Variants in WIPF3 observed in about 807,000 individuals in gnomAD.
The protein encoded by WIPF3 is WAS/WASL interacting protein family member 3, also known as WAS/WASL-interacting protein family member 3.
WIPF3 carries 33 observed loss-of-function variants against 38.9 expected under a neutral mutation model. The ratio of observed to expected loss-of-function variants is 0.85; its 90% CI spans 0.64 to 1.14. WIPF3 has a LOEUF of 1.14. WIPF3 is among the 50% of genes most tolerant of loss of function. The pLI is 0.00. For synonymous variants in WIPF3, 324 were observed against 269.3 expected, an observed-to-expected ratio of 1.20 and a Z score of -1.99; for missense variants, 711 against 652.5, an observed-to-expected ratio of 1.09 and a Z score of -0.98.
chr7:29,824,332 AAAG>A (rs1428967380), intron 1 of WIPF3, among the ~76,000 whole-genome samples: 3 of 152,308 alleles, frequency 2.0e-5, no homozygotes, highest in East Asian at 1.9e-4. Context: ...CGAAAATGAA[AAAG>A]AAGAAGAAAA....
intron 8 of WIPF3, 126 bp from the exon 9 acceptor site, chr7:29,914,367 A>G (rs1786562821): frequency 1.4e-6 from 1 of 724,562 alleles, no homozygotes; most frequent in Admixed American, 3.8e-5. Context: ...CATCTCCCCA[A>G]ACTTGACAGC....
At chr7:29,898,268 CAG>C (rs1371613220) in intron 7 of WIPF3, among the ~76,000 whole-genome samples, 1 of 152,220 alleles carries the variant, frequency 6.6e-6, no homozygotes, top group Non-Finnish European at 1.5e-5. Context: ...CCACACACTT[CAG>C]AGTCGTCTTT....
At chr7:29,859,309 G>T (rs1410911153) in intron 2 of WIPF3, among the ~76,000 whole-genome samples, 1 of 152,194 alleles carries the variant, frequency 6.6e-6, no homozygotes, top group Non-Finnish European at 1.5e-5. Flanking sequence ...CAAAAGGAGC[G>T]CTGGACCAGG....
chr7:29,822,123 GTTTT>G, intron 1 of WIPF3, among the ~76,000 whole-genome samples: 2 of 62,836 alleles, frequency 3.2e-5, no homozygotes, highest in African/African-American at 7.0e-5. Context: ...TTTTTTCTTA[GTTTT>G]TTTTTTTTTT....
chr7:29,843,918 C>G (rs1179693154), intron 2 of WIPF3, among the ~76,000 whole-genome samples: 3 of 152,066 alleles, frequency 2.0e-5, no homozygotes, highest in Non-Finnish European at 2.9e-5. Flanking sequence ...TGCTGAGCTC[C>G]ACATCTAGTG....
intron 2 of WIPF3, among the ~76,000 whole-genome samples, chr7:29,846,072 G>A (rs1784994932): frequency 6.6e-6 from 1 of 152,174 alleles, no homozygotes; most frequent in African/African-American, 2.4e-5. Flanking sequence ...TTAAATTTTA[G>A]TAAGAATATT....
intron 1 of WIPF3, among the ~76,000 whole-genome samples, chr7:29,818,487 T>A (rs907048337): frequency 1.3e-5 from 2 of 148,852 alleles, no homozygotes; most frequent in East Asian, 3.9e-4. Flanking sequence ...TAAAAATAAT[T>A]AAAATAATTA....
chr7:29,849,137 A>T (rs923976183), intron 2 of WIPF3, among the ~76,000 whole-genome samples: 1 of 152,068 alleles, frequency 6.6e-6, no homozygotes, highest in Admixed American at 6.5e-5. Context: ...GCCTAGCCCA[A>T]TCTGGCTCCT....
rs943745891 is a variant in WIPF3 at position 29,844,481 on chromosome 7, G to A, written c.90+9667G>A. On this transcript the variant is annotated intron_variant, in intron 2 of 8. Transcript: ENST00000242140. The surrounding 1 kb of genome is among the most constrained non-coding windows in gnomAD (Gnocchi z 4.8). ...CAATCCAATGAGGTAGGGACCGGTAGTGCCATTTTAAGGATGAGAGAACTG... is the reference window on the plus strand; with the variant it reads ...CAATCCAATGAGGTAGGGACCGGTAATGCCATTTTAAGGATGAGAGAACTG... 6.6e-6 allele frequency among the ~76,000 whole-genome samples: 1 copy of A among 152,210 alleles called. No individual in the cohort carries two copies. The highest frequency in any genetic ancestry group is 1.5e-5 in the Non-Finnish European group (1 of 68,030).
rs528590757 is a variant in WIPF3 at position 29,896,473 on chromosome 7, G to A, written c.1351+7066G>A. Among the ~76,000 whole-genome samples the A allele has an allele frequency of 2.6e-5, 4 of 152,082 alleles. No homozygotes were observed. The East Asian group carries it at 7.8e-4, about 30-fold the overall frequency. On this transcript the variant is annotated intron_variant, in intron 7 of 8. Transcript: ENST00000242140. ...CTACAAAAAAATACAAAAATTAGCTGAATGTGGTGGTGCATGCCTGTAGTC... is the reference window on the plus strand; with the variant it reads ...CTACAAAAAAATACAAAAATTAGCTAAATGTGGTGGTGCATGCCTGTAGTC...
chr7:29,895,597 C>T (rs906661933), intron 7 of WIPF3, among the ~76,000 whole-genome samples: 4 of 152,146 alleles, frequency 2.6e-5, no homozygotes, highest in Admixed American at 1.3e-4. Flanking sequence ...GGAAAAGAGG[C>T]GTAATTGGCT....
At chr7:29,830,569 G>C (rs1044610141) in intron 1 of WIPF3, among the ~76,000 whole-genome samples, 1 of 148,464 alleles carries the variant, frequency 6.7e-6, no homozygotes, top group African/African-American at 2.5e-5. Context: ...GCAGTGAGCC[G>C]AGATCACGCC....
intron 1 of WIPF3, among the ~76,000 whole-genome samples, chr7:29,833,572 CA>C (rs1184862467): frequency 3.3e-5 from 5 of 152,310 alleles, no homozygotes; most frequent in Admixed American, 3.3e-4. Flanking sequence ...GAGCAAAATT[CA>C]GTGGACTATG....
At chr7:29,841,439 A>G (rs1784911970) in intron 2 of WIPF3, among the ~76,000 whole-genome samples, 1 of 152,218 alleles carries the variant, frequency 6.6e-6, no homozygotes, top group Non-Finnish European at 1.5e-5. Flanking sequence ...GCAAAGCCAG[A>G]CGGGCTCTCT....
At chr7:29,830,886 T>C (rs7806726) in intron 1 of WIPF3, among the ~76,000 whole-genome samples, 17,544 of 152,238 alleles carry the variant, frequency 0.12, 1,109 homozygotes, top group African/African-American at 0.16. Context: ...TCCTTATTAC[T>C]TGCAGATTCT....
Position 29,878,454 on chromosome 7 carries a change from G to A in WIPF3, c.224-555G>A, listed in dbSNP as rs1040992787. Among the ~76,000 whole-genome samples the A allele has an allele frequency of 7.2e-5, 11 of 152,184 alleles. No homozygotes were observed. Among genetic ancestry groups the A allele is most frequent in the Admixed American group, 4.6e-4 (7 of 15,278 alleles). ...ATCTTTCCGTTCCATAGATGAAAAG[G>A]TGCAGGGAGGTGCGAGGGGCTGGGG... On this transcript the variant is annotated intron_variant, in intron 3 of 8. Coordinates refer to ENST00000242140, the MANE Select transcript of WIPF3 (RefSeq NM_001080529.3). This position sits in a 1 kb window ranked among gnomAD's most constrained non-coding sequence, Gnocchi z 4.0.
At chr7:29,894,353 C>T (rs1786088628) in intron 7 of WIPF3, among the ~76,000 whole-genome samples, 1 of 152,146 alleles carries the variant, frequency 6.6e-6, no homozygotes, top group South Asian at 2.1e-4. Flanking sequence ...CTGATGTTTA[C>T]AAAGAGCAGT....
At chr7:29,813,888 CG>C in intron 1 of WIPF3, among the ~76,000 whole-genome samples, 1 of 151,838 alleles carries the variant, frequency 6.6e-6, no homozygotes, top group African/African-American at 2.4e-5. Flanking sequence ...TTGCTATAAA[CG>C]GAATCTTACA....
chr7:29,834,875 CAGA>C (rs1435220811), intron 2 of WIPF3, 61 bp downstream of exon 2: 14 of 1,504,226 alleles, frequency 9.3e-6, no homozygotes, highest in Non-Finnish European at 6.2e-6. Flanking sequence ...TACACTTGAG[CAGA>C]AGGTTTTAAA....
Sources: allele counts gnomAD v4.1 joint callset (sites outside exome capture counted in the v4.1 genomes callset), GRCh38; gene constraint gnomAD v4.1.1; non-coding constraint Gnocchi (gnomAD v3.1); transcripts MANE v1.5; gene names NCBI Gene and HGNC (gene_info 2026-07-23, HGNC 2026-07-21).